IGF2BP3: variants seen among roughly 807,000 people sequenced by gnomAD.
IGF2BP3 encodes the protein insulin like growth factor 2 mRNA binding protein 3, also known as insulin-like growth factor 2 mRNA-binding protein 3.
IGF2BP3 carries 9 observed loss-of-function variants against 73.8 expected under a neutral mutation model. The ratio of observed to expected loss-of-function variants is 0.12; its 90% confidence interval spans 0.07 to 0.21. The LOEUF (loss-of-function observed/expected upper bound fraction) is 0.21. IGF2BP3 is among the 10% of genes least tolerant of loss of function. IGF2BP3 has a pLI of 1.00. For synonymous variants in IGF2BP3, 258 were observed against 256.7 expected (o/e 1.01, Z -0.05); for missense variants, 542 against 714.0 (o/e 0.76, Z 2.75).
intron 10 of IGF2BP3, among the ~76,000 whole-genome samples, chr7:23,328,622 G>A (rs57584563): frequency 0.038 from 5,827 of 152,216 alleles, 378 homozygotes; most frequent in African/African-American, 0.13. Context: ...AAGGATAACT[G>A]GACAAGAGAA....
At chr7:23,457,195 GACTC>G (rs1308683835) in intron 2 of IGF2BP3, among the ~76,000 whole-genome samples, 4 of 152,110 alleles carry the variant, frequency 2.6e-5, no homozygotes, top group African/African-American at 9.7e-5. Flanking sequence ...TGAGTGCGAT[GACTC>G]ACTCAGTACT....
chr7:23,372,429 G>T (rs1785582223), intron 3 of IGF2BP3, among the ~76,000 whole-genome samples: 2 of 152,034 alleles, frequency 1.3e-5, no homozygotes, highest in Admixed American at 6.6e-5. Context: ...CCATCACCCA[G>T]GTAGTGTATA....
chr7:23,454,390 A>G (rs1252949067), intron 2 of IGF2BP3, among the ~76,000 whole-genome samples: 1 of 152,084 alleles, frequency 6.6e-6, no homozygotes, highest in Non-Finnish European at 1.5e-5. Flanking sequence ...AATGTGAAAC[A>G]CTCCTATGTC....
chr7:23,378,732 C>T (rs1411454573), intron 3 of IGF2BP3, among the ~76,000 whole-genome samples: 1 of 151,864 alleles, frequency 6.6e-6, no homozygotes, highest in African/African-American at 2.4e-5. Flanking sequence ...CGCCACCATG[C>T]CCAGCTAATT....
chr7:23,440,720 C>T (rs1787913485), intron 2 of IGF2BP3, among the ~76,000 whole-genome samples: 1 of 152,200 alleles, frequency 6.6e-6, no homozygotes, highest in Non-Finnish European at 1.5e-5. Flanking sequence ...CACCAGCCAC[C>T]TGTCCACATA....
chr7:23,412,841 CCTTTTTTTTTTT>C (rs1196383460), intron 3 of IGF2BP3, among the ~76,000 whole-genome samples: 13 of 87,928 alleles, frequency 1.5e-4, no homozygotes, highest in Non-Finnish European at 2.3e-4. Flanking sequence ...AAGACTCTGG[CCTTTTTTTTTTT>C]TTTTTTTTTT....
intron 9 of IGF2BP3, among the ~76,000 whole-genome samples, chr7:23,342,952 C>T (rs954861078): frequency 2.0e-5 from 3 of 152,156 alleles, no homozygotes; most frequent in South Asian, 2.1e-4. Context: ...TTCTCACAAA[C>T]GCAGTATTTG....
At chr7:23,342,414 A>G (rs1340783402) in intron 9 of IGF2BP3, among the ~76,000 whole-genome samples, 1 of 152,200 alleles carries the variant, frequency 6.6e-6, no homozygotes, top group Non-Finnish European at 1.5e-5. Flanking sequence ...CTTGGTCCAC[A>G]GCTGCATTAA....
chr7:23,346,134 C>T lies in IGF2BP3; in HGVS notation c.819-72G>A. 3.3e-6 allele frequency: 5 copies of T among 1,501,242 alleles called. No homozygotes were observed. In the South Asian group the frequency reaches 5.1e-5, roughly 15 times the overall value. 93.0% of individuals were successfully genotyped at this position (1,501,242 alleles called of 1,614,324 possible). A position where few individuals can be genotyped will look rare whatever the true frequency, so the allele number is the denominator to read the frequency against. ...CGTGGGTAAAAAGACAATATTCACT[C>T]ATTAAACATTTACTTCCTACCTACC... On this transcript the variant is annotated intron_variant, in intron 7 of 14. Coordinates refer to ENST00000258729, the MANE Select transcript of IGF2BP3 (RefSeq NM_006547.3).
In IGF2BP3 at chr7:23,312,131, TTTTG is replaced by T. The variant is rs140134335; in HGVS notation, c.*227_*230del. ...TCTTTCCCTCCCTCCCCCACCCTTT[TTTTG>T]TTTGTTTGTTTGTTTGTTTTAAAGC... On this transcript the variant is annotated 3_prime_UTR_variant, in exon 15 of 15. Coordinates refer to ENST00000258729, the MANE Select transcript of IGF2BP3 (RefSeq NM_006547.3). 7.5e-4 allele frequency: 337 copies of T among 449,724 alleles called. 3 individuals are homozygous for T. Among genetic ancestry groups the T allele is most frequent in the African/African-American group, 3.2e-3 (153 of 47,782 alleles). The allele number at this position is 449,724 out of a possible 1,614,324, so 27.9% of individuals were successfully genotyped here.
chr7:23,337,765 G>T (rs181939673), intron 10 of IGF2BP3, among the ~76,000 whole-genome samples: 190 of 152,254 alleles, frequency 1.2e-3, no homozygotes, highest in African/African-American at 4.2e-3. Flanking sequence ...AAATTCCTGG[G>T]CTCAAGCAAT....
At chr7:23,371,266 G>A (rs971080136) in intron 3 of IGF2BP3, among the ~76,000 whole-genome samples, 3 of 152,018 alleles carry the variant, frequency 2.0e-5, no homozygotes, top group African/African-American at 7.3e-5. Flanking sequence ...CAACAAGAGA[G>A]GCAAAAAGTC....
intron 10 of IGF2BP3, among the ~76,000 whole-genome samples, chr7:23,338,328 G>A (rs970089688): frequency 2.0e-5 from 3 of 152,054 alleles, no homozygotes; most frequent in African/African-American, 4.8e-5. Flanking sequence ...ACATTGAAGC[G>A]CCCCTCCAAA....
chr7:23,469,921 C>A lies in IGF2BP3; in HGVS notation c.175+15G>T. On this transcript the variant is annotated intron_variant, in intron 1 of 14. Coordinates refer to ENST00000258729, the MANE Select transcript of IGF2BP3 (RefSeq NM_006547.3). The surrounding 1 kb of genome is among the most constrained non-coding windows in gnomAD (Gnocchi z 6.1). ...GCTGGGGCGAGAGCCCGGGTGGGGC[C>A]AGGCCCGGGCCCACCTGAAAGCGCC... 1.3e-6 allele frequency: 2 copies of A among 1,597,628 alleles called. No individual in the cohort carries two copies. Among genetic ancestry groups the A allele is most frequent in the Non-Finnish European group, 1.7e-6 (2 of 1,173,758 alleles).
intron 3 of IGF2BP3, among the ~76,000 whole-genome samples, chr7:23,365,247 G>A (rs550272986): frequency 2.2e-4 from 34 of 152,300 alleles, no homozygotes; most frequent in Middle Eastern, 3.4e-3. Flanking sequence ...GGGTAGAGGA[G>A]GGGTTCAGGG....
intron 12 of IGF2BP3, among the ~76,000 whole-genome samples, chr7:23,316,273 G>A (rs1783984787): frequency 6.6e-6 from 1 of 152,168 alleles, no homozygotes; most frequent in African/African-American, 2.4e-5. Context: ...ATGGCCCAGA[G>A]AAAATAGAAG....
At chr7:23,346,598 C>CTT (rs777167775) in intron 7 of IGF2BP3, among the ~76,000 whole-genome samples, 28 of 132,652 alleles carry the variant, frequency 2.1e-4, no homozygotes, top group African/African-American at 5.9e-4. Context: ...CTTTTTCTTT[C>CTT]TTTTTTTTTT....
chr7:23,313,121 TATAA>T (rs1373353379), intron 13 of IGF2BP3, among the ~76,000 whole-genome samples: 1 of 152,212 alleles, frequency 6.6e-6, no homozygotes, highest in Non-Finnish European at 1.5e-5. Context: ...ACTTCAAAAT[TATAA>T]ATAGCTTTGA....
chr7:23,367,461 GA>G (rs1322112828), intron 3 of IGF2BP3, among the ~76,000 whole-genome samples: 3 of 127,114 alleles, frequency 2.4e-5, no homozygotes, highest in African/African-American at 1.3e-4. Context: ...AAAAAACCAC[GA>G]AAAAAAACAA....
Sources: gnomAD v4.1 joint callset for allele counts (sites outside exome capture counted in the v4.1 genomes callset) on GRCh38, gnomAD v4.1.1 for gene constraint, Gnocchi (gnomAD v3.1) non-coding constraint, MANE v1.5 for transcripts, NCBI Gene and HGNC (gene_info 2026-07-23, HGNC 2026-07-21) for gene names.